Variants in CSGALNACT1 observed in about 807,000 individuals in gnomAD.
CSGALNACT1 encodes the protein chondroitin sulfate N-acetylgalactosaminyltransferase 1, also known as beta4GalNAcT-1.
CSGALNACT1 carries 52 observed loss-of-function variants against 51.0 expected under a neutral mutation model. The observed-to-expected ratio is 1.02, with a 90% CI of 0.82 to 1.29. The LOEUF (loss-of-function observed/expected upper bound fraction) is 1.29. CSGALNACT1 is among the 50% of genes most tolerant of loss of function. CSGALNACT1 has a pLI of 0.00. For synonymous variants in CSGALNACT1, 341 were observed against 254.4 expected (o/e 1.34, Z -3.24); for missense variants, 935 against 679.2 (o/e 1.38, Z -4.19).
chr8:19,591,660 CA>C (rs891471574), intron 2 of CSGALNACT1, among the ~76,000 whole-genome samples: 16 of 151,976 alleles, frequency 1.1e-4, no homozygotes, highest in African/African-American at 3.9e-4. Context: ...TGGAGTGGCT[CA>C]AACCTGTAGT....
chr8:19,456,510 C>T (rs1162072498), intron 5 of CSGALNACT1, among the ~76,000 whole-genome samples: 1 of 152,248 alleles, frequency 6.6e-6, no homozygotes, highest in African/African-American at 2.4e-5. Flanking sequence ...CAACTGCATT[C>T]AGAACGCCGC....
At chr8:19,672,657 A>T (rs973851472) in intron 1 of CSGALNACT1, among the ~76,000 whole-genome samples, 2 of 152,216 alleles carry the variant, frequency 1.3e-5, no homozygotes, top group African/African-American at 4.8e-5. Context: ...TACACTGGTA[A>T]CATAAATGAA....
intron 3 of CSGALNACT1, among the ~76,000 whole-genome samples, chr8:19,553,620 C>CATACATATATATATATATATATAT (rs1386703624): frequency 2.8e-5 from 2 of 71,564 alleles, no homozygotes; most frequent in African/African-American, 1.8e-4. Flanking sequence ...TATATAAATA[C>CATACATATATATATATATATATAT]ATATATATAT....
rs76430332 is a variant in CSGALNACT1, at chr8:19,482,277, T to C, written c.634+22924A>G. On this transcript the variant is annotated intron_variant, in intron 4 of 9. Coordinates refer to ENST00000454498, the Ensembl canonical transcript of CSGALNACT1. ...TGAAATTGAGGACATACATTTTTAA[T>C]TGTATATGATTTTAATTAATTTTTG... Among the ~76,000 whole-genome samples, 1,425 of 152,328 alleles carry C rather than the reference T, an allele frequency of 9.4e-3. 22 individuals are homozygous for C. Among genetic ancestry groups the C allele is most frequent in the African/African-American group, 0.032 (1,315 of 41,566 alleles).
rs1244872089 is a variant in CSGALNACT1 at position 19,420,412 on chromosome 8, G to A, written c.1060C>T (p.Leu354Phe). The change falls in exon 7 of 10, where the codon CTC (leucine) becomes TTC (phenylalanine). Residue 354 changes from leucine to phenylalanine, a missense_variant. Physicochemically the swap from Leu to Phe is conservative, Grantham distance 22. Transcript: ENST00000454498. Reference sequence around the variant, plus strand: ...TAGATGTCCACATCACAGAAAAAGAGAAGGACGTTGCTTCCCTTCCAGAAG... The same window carrying A: ...TAGATGTCCACATCACAGAAAAAGAAAAGGACGTTGCTTCCCTTCCAGAAG... 3 of 1,614,090 alleles carry A rather than the reference G, an allele frequency of 1.9e-6. No individual in the cohort carries two copies. The highest frequency in any genetic ancestry group is 4.5e-5 in the East Asian group (2 of 44,894).
At chr8:19,685,934 T>G (rs1221127303), upstream of CSGALNACT1, among the ~76,000 whole-genome samples, 2 of 152,150 alleles carry the variant, frequency 1.3e-5, no homozygotes, top group Non-Finnish European at 2.9e-5. Flanking sequence ...CCTGATCACT[T>G]GTAAAACTTG....
At chr8:19,700,158 C>G (rs1479391698) in intron 1 of CSGALNACT1, among the ~76,000 whole-genome samples, 1 of 150,264 alleles carries the variant, frequency 6.7e-6, no homozygotes, top group Non-Finnish European at 1.5e-5. Flanking sequence ...TATTATTTCC[C>G]ATTTTAAAAT....
chr8:19,594,954 A>G (rs1019507153), intron 2 of CSGALNACT1, among the ~76,000 whole-genome samples: 4 of 152,150 alleles, frequency 2.6e-5, no homozygotes, highest in Non-Finnish European at 5.9e-5. Flanking sequence ...CACGTGTTAT[A>G]AAGTTAGAAA....
At chr8:19,449,126 C>T (rs538491628) in intron 5 of CSGALNACT1, among the ~76,000 whole-genome samples, 2 of 152,246 alleles carry the variant, frequency 1.3e-5, no homozygotes, top group South Asian at 2.1e-4. Flanking sequence ...ATTTTCCTGA[C>T]TGTCCATTTC....
chr8:19,404,784 A>G (rs1246128314), exon 10 of CSGALNACT1: 1 of 454,450 alleles, frequency 2.2e-6, no homozygotes, highest in South Asian at 1.6e-5. Flanking sequence ...TTTTAGGTAC[A>G]TCACGATATC....
intron 4 of CSGALNACT1, among the ~76,000 whole-genome samples, chr8:19,490,020 G>T (rs1295958410): frequency 6.6e-6 from 1 of 152,118 alleles, no homozygotes; most frequent in African/African-American, 2.4e-5. Context: ...TTACCACATG[G>T]GCCAGCTGCC....
chr8:19,633,513 A>G (rs1433052471), intron 1 of CSGALNACT1, among the ~76,000 whole-genome samples: 2 of 152,218 alleles, frequency 1.3e-5, no homozygotes, highest in Non-Finnish European at 2.9e-5. Flanking sequence ...CAGGTCCTTA[A>G]TTCCATATGG....
intron 1 of CSGALNACT1, among the ~76,000 whole-genome samples, chr8:19,693,936 A>G (rs1008370332): frequency 7.2e-6 from 1 of 139,142 alleles, no homozygotes; most frequent in Non-Finnish European, 1.6e-5. Flanking sequence ...GAGCAACCAT[A>G]TAACATTAAG....
chr8:19,553,639 A>ATATATATATATATATATATATAT (rs869251447), intron 3 of CSGALNACT1, among the ~76,000 whole-genome samples: 14 of 126,570 alleles, frequency 1.1e-4, no homozygotes, highest in African/African-American at 2.5e-4. Flanking sequence ...ATATATATAT[A>ATATATATATATATATATATATAT]AAAAAATATG....
At chr8:19,449,803 T>C (rs763265479) in intron 5 of CSGALNACT1, among the ~76,000 whole-genome samples, 2 of 151,930 alleles carry the variant, frequency 1.3e-5, no homozygotes, top group Admixed American at 6.6e-5. Context: ...AAACTTGGAA[T>C]TGAGAAAGAT....
At chr8:19,445,731 A>G (rs2153782315) in intron 5 of CSGALNACT1, among the ~76,000 whole-genome samples, 1 of 152,366 alleles carries the variant, frequency 6.6e-6, no homozygotes, top group Middle Eastern at 3.4e-3. Flanking sequence ...TGAGTCTCAT[A>G]CCATGAAAAA....
At chr8:19,448,194 T>G (rs6981898) in intron 5 of CSGALNACT1, among the ~76,000 whole-genome samples, 1 of 151,950 alleles carries the variant, frequency 6.6e-6, no homozygotes, top group Non-Finnish European at 1.5e-5. Flanking sequence ...GGAAAAATTG[T>G]GTTTCTTGCA....
chr8:19,709,764 C>T (rs2062389268), intron 1 of CSGALNACT1, among the ~76,000 whole-genome samples: 2 of 152,168 alleles, frequency 1.3e-5, no homozygotes, highest in Admixed American at 1.3e-4. Flanking sequence ...CTGGGTGTGG[C>T]ATGGGGAGTT....
chr8:19,570,973 T>C (rs537563995), intron 3 of CSGALNACT1, among the ~76,000 whole-genome samples: 1 of 152,168 alleles, frequency 6.6e-6, no homozygotes, highest in African/African-American at 2.4e-5. Flanking sequence ...GAGATGCCTC[T>C]GATTTATGTA....
Sources: allele counts gnomAD v4.1 joint callset (sites outside exome capture counted in the v4.1 genomes callset), GRCh38; gene constraint gnomAD v4.1.1; transcripts MANE v1.5; gene names NCBI Gene and HGNC (gene_info 2026-07-23, HGNC 2026-07-21).